Variants in KMT2E observed in about 807,000 individuals in gnomAD.
KMT2E encodes histone reader KMT2E.
A neutral mutation model predicts 184.6 loss-of-function variants in KMT2E; 30 were observed. That is an observed-to-expected ratio of 0.16 (90% CI 0.12 to 0.22). The LOEUF is 0.22. Among genes scored for constraint, KMT2E ranks in the 10% least tolerant of loss-of-function variants. The pLI is 1.00. For synonymous variants in KMT2E, 815 were observed against 776.5 expected, an observed-to-expected ratio of 1.05 and a Z score of -0.82; for missense variants, 2,023 against 2,237.4, an observed-to-expected ratio of 0.90 and a Z score of 1.93.
At chr7:105,095,457 G>C (rs918709463) in intron 15 of KMT2E, among the ~76,000 whole-genome samples, 2 of 152,018 alleles carry the variant, frequency 1.3e-5, no homozygotes, top group Non-Finnish European at 2.9e-5. Context: ...GGGCTACTAG[G>C]GAGATAAAGT....
At chr7:105,067,823 T>C (rs1797097722) in intron 6 of KMT2E, among the ~76,000 whole-genome samples, 1 of 151,934 alleles carries the variant, frequency 6.6e-6, no homozygotes, top group African/African-American at 2.4e-5. Flanking sequence ...ATACAGAAGA[T>C]GAGCCAGGCG....
At chr7:105,036,168 T>C (rs1584707517) in intron 1 of KMT2E, among the ~76,000 whole-genome samples, 2 of 151,332 alleles carry the variant, frequency 1.3e-5, no homozygotes, top group East Asian at 3.9e-4. Flanking sequence ...TTGTTGTTGT[T>C]CTTTTGGTTT....
At chr7:105,033,336 A>G (rs1044463243) in intron 1 of KMT2E, among the ~76,000 whole-genome samples, 4 of 152,358 alleles carry the variant, frequency 2.6e-5, no homozygotes, top group East Asian at 3.9e-4. Context: ...TAATTTTGTG[A>G]TAATTATAGA....
At chr7:105,062,137 C>G (rs540326421) in intron 3 of KMT2E, 27 bp from the exon 4 acceptor site, 1 of 1,389,180 alleles carries the variant, frequency 7.2e-7, no homozygotes, top group African/African-American at 1.4e-5. Context: ...GAATGGAATT[C>G]TCTTTGATGC....
intron 15 of KMT2E, among the ~76,000 whole-genome samples, chr7:105,098,662 A>AGGGATTAC (rs1798524856): frequency 6.6e-6 from 1 of 152,002 alleles, no homozygotes; most frequent in Non-Finnish European, 1.5e-5. Flanking sequence ...CGGCCTCCCA[A>AGGGATTAC]AGTGCTGGGA....
intron 13 of KMT2E, among the ~76,000 whole-genome samples, chr7:105,086,720 A>T (rs1797978227): frequency 6.7e-6 from 1 of 149,456 alleles, no homozygotes; most frequent in Non-Finnish European, 1.5e-5. Flanking sequence ...GCGAGACTCC[A>T]TCTCAAAAAA....
At position 105,036,413 on chromosome 7, in the gene KMT2E, C is replaced by T. The variant is rs149451422; in HGVS notation, c.-188-1713C>T. On this transcript the variant is annotated intron_variant, in intron 1 of 26. Coordinates refer to ENST00000311117, the MANE Select transcript of KMT2E (RefSeq NM_182931.3). ...TGAATTCCTTACCTCAGGTGACCCA[C>T]CCGCCTAGGCCTCCCAAAGTGCTGG... 6.6e-5 allele frequency among the ~76,000 whole-genome samples: 10 copies of T among 152,210 alleles called. No individual in the cohort carries two copies. The East Asian group carries it at 1.9e-3, about 29-fold the overall frequency.
At chr7:105,045,323 C>T (rs541083865) in intron 3 of KMT2E, among the ~76,000 whole-genome samples, 3 of 152,286 alleles carry the variant, frequency 2.0e-5, no homozygotes, top group East Asian at 3.9e-4. Flanking sequence ...CAACATTTAT[C>T]GTGTTAACCA....
At chr7:105,049,158 G>A (rs932917210) in intron 3 of KMT2E, among the ~76,000 whole-genome samples, 2 of 152,112 alleles carry the variant, frequency 1.3e-5, no homozygotes, top group Non-Finnish European at 2.9e-5. Context: ...AGTGAAATAA[G>A]TGCTGGCCAG....
At chr7:105,074,115 A>G (rs944357947) in intron 7 of KMT2E, among the ~76,000 whole-genome samples, 1 of 151,808 alleles carries the variant, frequency 6.6e-6, no homozygotes, top group African/African-American at 2.4e-5. Context: ...TGATACCAGT[A>G]CTCCTGGTTT....
At chr7:105,033,946 C>G (rs891813184) in intron 1 of KMT2E, among the ~76,000 whole-genome samples, 2 of 152,126 alleles carry the variant, frequency 1.3e-5, no homozygotes, top group African/African-American at 4.8e-5. Flanking sequence ...TAACAACCCA[C>G]TATCTCAGGA....
intron 3 of KMT2E, among the ~76,000 whole-genome samples, chr7:105,050,602 G>A (rs1444210212): frequency 6.6e-6 from 1 of 150,678 alleles, no homozygotes. Flanking sequence ...TTGTTTTTTA[G>A]GCTCATCTAT....
At chr7:105,071,608 A>ATATATATATATATATTTT (rs1304883029) in intron 6 of KMT2E, among the ~76,000 whole-genome samples, 3 of 31,878 alleles carry the variant, frequency 9.4e-5, no homozygotes, top group Admixed American at 5.1e-4. Flanking sequence ...ATATATATAT[A>ATATATATATATATATTTT]TTTTTTTTTT....
intron 1 of KMT2E, among the ~76,000 whole-genome samples, chr7:105,025,127 T>G (rs1375709314): frequency 2.6e-5 from 4 of 152,088 alleles, no homozygotes; most frequent in Admixed American, 2.6e-4. Context: ...TAACATATGT[T>G]TATTAAAAGG....
intron 1 of KMT2E, among the ~76,000 whole-genome samples, chr7:105,036,755 G>A (rs1455093399): frequency 6.6e-6 from 1 of 152,152 alleles, no homozygotes; most frequent in Non-Finnish European, 1.5e-5. Flanking sequence ...AGTAATGCTA[G>A]CTCAGTTGTA....
chr7:105,068,672 A>G (rs1432233723), intron 6 of KMT2E, among the ~76,000 whole-genome samples: 1 of 122,288 alleles, frequency 8.2e-6, no homozygotes, highest in Non-Finnish European at 1.6e-5. Flanking sequence ...ACAGGGTTTC[A>G]CCATGTTGTC....
intron 2 of KMT2E, among the ~76,000 whole-genome samples, chr7:105,040,593 T>G (rs1354156375): frequency 6.6e-6 from 1 of 152,206 alleles, no homozygotes; most frequent in Non-Finnish European, 1.5e-5. Context: ...AATTTTTGGT[T>G]CTTCACTAAA....
At chr7:105,091,614 GTTCAGAATGTCT>G in intron 15 of KMT2E, 1 of 469,038 alleles carries the variant, frequency 2.1e-6, no homozygotes, top group Non-Finnish European at 3.7e-6. Context: ...CACAATTACT[GTTCAGAATGTCT>G]TTTATTAGCT....
intron 1 of KMT2E, among the ~76,000 whole-genome samples, chr7:105,034,511 C>T (rs1331122774): frequency 6.6e-6 from 1 of 152,046 alleles, no homozygotes; most frequent in African/African-American, 2.4e-5. Context: ...AAATTACAGA[C>T]GTGAGCCAAC....
Sources: allele counts gnomAD v4.1 joint callset (sites outside exome capture counted in the v4.1 genomes callset), GRCh38; gene constraint gnomAD v4.1.1; transcripts MANE v1.5; gene names NCBI Gene and HGNC (gene_info 2026-07-23, HGNC 2026-07-21).